Variants in DPP6 observed in about 807,000 individuals in gnomAD.
The protein encoded by DPP6 is A-type potassium channel modulatory protein DPP6.
In DPP6, 69 loss-of-function variants were observed where a neutral mutation model predicts 122.6. The ratio of observed to expected loss-of-function variants is 0.56; its 90% CI spans 0.46 to 0.69. The LOEUF (loss-of-function observed/expected upper bound fraction) is 0.69. DPP6 is among the 30% of genes least tolerant of loss of function. The pLI, the probability that DPP6 is intolerant of heterozygous loss-of-function variation, is 0.00. For missense variants in DPP6, 928 were observed against 1,116.9 expected, an observed-to-expected ratio of 0.83 and a Z score of 2.41; for synonymous variants, 418 against 433.1, an observed-to-expected ratio of 0.97 and a Z score of 0.43.
Position 154,168,494 on chromosome 7 carries a change from G to A in DPP6, c.243+115431G>A, listed in dbSNP as rs528441585. 4.1e-3 allele frequency among the ~76,000 whole-genome samples: 624 copies of A among 152,312 alleles called. 1 individual carries two copies. Among genetic ancestry groups the A allele is most frequent in the African/African-American group, 0.014 (595 of 41,558 alleles). ...AGGTCACCTCCTTTCCTCTGTGGAA[G>A]GGCAGTCACATTGTGATCTTTCAAA... On this transcript the variant is annotated intron_variant, in intron 1 of 25. Transcript: ENST00000377770.
Position 154,692,651 on chromosome 7 carries a change from A to G in DPP6, c.762+23210A>G, listed in dbSNP as rs561238349. Among the ~76,000 whole-genome samples, 16 of 152,274 alleles carry G rather than the reference A, an allele frequency of 1.1e-4. No homozygotes were observed. The South Asian group carries it at 2.9e-3, about 28-fold the overall frequency. ...TGAAATTCTAATTTCTGAGATGCTG[A>G]TGTAGCTACAGATTCTACATAGAGA... On this transcript the variant is annotated intron_variant, in intron 7 of 25. Transcript: ENST00000377770.
chr7:154,238,895 C>T (rs1484905050), intron 1 of DPP6, among the ~76,000 whole-genome samples: 2 of 152,214 alleles, frequency 1.3e-5, no homozygotes, highest in Non-Finnish European at 2.9e-5. Flanking sequence ...ACAGATCGGG[C>T]TTCAAATATA....
rs551983538 is a variant in DPP6, at chr7:154,063,257, G to T, written c.243+10194G>T. On this transcript the variant is annotated intron_variant, in intron 1 of 25. Coordinates refer to ENST00000377770, the MANE Select transcript of DPP6 (RefSeq NM_130797.4). ...AGAGCCAGCCCCTATTCCCCCACTG[G>T]CTCTTAGGACCCCCATCGCAGAGGG... Among the ~76,000 whole-genome samples the T allele has an allele frequency of 3.3e-3, 435 of 132,964 alleles. 31 individuals are homozygous for T. Among genetic ancestry groups the T allele is most frequent in the African/African-American group, 0.012 (420 of 36,070 alleles). The allele number at this position is 132,964 out of a possible 152,430, so 87.2% of individuals were successfully genotyped here. A position where few individuals can be genotyped will look rare whatever the true frequency, so the allele number is the denominator to read the frequency against.
At chr7:154,629,542 G>A (rs9642645) in intron 5 of DPP6, among the ~76,000 whole-genome samples, 64,314 of 151,760 alleles carry the variant, frequency 0.42, 14,255 homozygotes, top group African/African-American at 0.57. Flanking sequence ...AACTGTGTAT[G>A]CCAGCCATGG....
At chr7:154,885,838 C>T (rs892305426) in intron 22 of DPP6, 94 bp downstream of exon 22, 16 of 1,499,274 alleles carry the variant, frequency 1.1e-5, no homozygotes, top group African/African-American at 2.8e-5. Context: ...TCAGCACCAC[C>T]GTCCCGCTAA....
At chr7:154,539,061 A>G (rs115370619) in intron 3 of DPP6, among the ~76,000 whole-genome samples, 1,976 of 152,184 alleles carry the variant, frequency 0.013, 51 homozygotes, top group African/African-American at 0.045. Flanking sequence ...AATTATAACA[A>G]CTCTGCTTTT....
At chr7:153,795,915 G>A in the DPP6 span, among the ~76,000 whole-genome samples, 50 of 151,076 alleles carry the variant, frequency 3.3e-4, no homozygotes, top group Admixed American at 1.5e-3. Context: ...CAAATATTTG[G>A]ATATATTCCA....
At chr7:154,535,655 A>C (rs1828188729) in intron 3 of DPP6, among the ~76,000 whole-genome samples, 1 of 151,984 alleles carries the variant, frequency 6.6e-6, no homozygotes, top group Non-Finnish European at 1.5e-5. Context: ...ACTCATATCC[A>C]GAATGCTTAA....
chr7:154,443,733 T>G (rs902943930), intron 1 of DPP6, among the ~76,000 whole-genome samples: 3 of 152,158 alleles, frequency 2.0e-5, no homozygotes, highest in Non-Finnish European at 4.4e-5. Context: ...GATGGATGGA[T>G]GGATGTGGAT....
intron 1 of DPP6, among the ~76,000 whole-genome samples, chr7:154,387,202 T>C (rs1029181608): frequency 6.6e-6 from 1 of 152,174 alleles, no homozygotes; most frequent in African/African-American, 2.4e-5. Context: ...ACATCATTCA[T>C]AGAGGCAGAA....
intron 1 of DPP6, among the ~76,000 whole-genome samples, chr7:154,345,096 A>G (rs1270703007): frequency 6.6e-6 from 1 of 152,154 alleles, no homozygotes; most frequent in Non-Finnish European, 1.5e-5. Flanking sequence ...ACAGACATTT[A>G]TTTCCTGAAG....
At chr7:154,843,194 T>A (rs1263034170) in intron 16 of DPP6, among the ~76,000 whole-genome samples, 1 of 152,138 alleles carries the variant, frequency 6.6e-6, no homozygotes, top group African/African-American at 2.4e-5. Flanking sequence ...CCCAGCTACT[T>A]GGAAGGTTGA....
intron 5 of DPP6, among the ~76,000 whole-genome samples, chr7:154,619,929 G>T (rs1383433228): frequency 6.6e-6 from 1 of 152,142 alleles, no homozygotes; most frequent in Non-Finnish European, 1.5e-5. Flanking sequence ...TTCAACTCTT[G>T]GTGTGCTCAC....
rs184426229 is a variant in DPP6, at chr7:154,155,965, C to G, written c.243+102902C>G. Among the ~76,000 whole-genome samples, 345 of 152,322 alleles carry G rather than the reference C, an allele frequency of 2.3e-3. 5 individuals carry two copies. The highest frequency in any genetic ancestry group is 0.019 in the East Asian group (98 of 5,172). On this transcript the variant is annotated intron_variant, in intron 1 of 25. Coordinates refer to ENST00000377770, the MANE Select transcript of DPP6 (RefSeq NM_130797.4). Reference sequence around the variant, plus strand: ...GTGTCATCCTTAGACCTAAGGGGCCCCAGGCCTGGCAGTGCCTTCCTTCAG... The same window carrying G: ...GTGTCATCCTTAGACCTAAGGGGCCGCAGGCCTGGCAGTGCCTTCCTTCAG...
chr7:153,847,986 C>T, the DPP6 span, among the ~76,000 whole-genome samples: 1 of 152,138 alleles, frequency 6.6e-6, no homozygotes, highest in African/African-American at 2.4e-5. Context: ...AGCTGCCTGC[C>T]TCACGTGTAC....
intron 1 of DPP6, among the ~76,000 whole-genome samples, chr7:154,146,502 C>T (rs183030503): frequency 2.1e-3 from 316 of 152,272 alleles, no homozygotes; most frequent in African/African-American, 7.3e-3. Flanking sequence ...CCAACCCTCG[C>T]TGATTCTTTC....
At chr7:153,828,105 C>T in the DPP6 span, among the ~76,000 whole-genome samples, 7 of 152,156 alleles carry the variant, frequency 4.6e-5, no homozygotes. Flanking sequence ...GCCCTTCCTC[C>T]AGTGCCTTCC....
At chr7:154,395,961 A>T (rs1278706667) in intron 1 of DPP6, among the ~76,000 whole-genome samples, 4 of 138,288 alleles carry the variant, frequency 2.9e-5, no homozygotes, top group Non-Finnish European at 6.4e-5. Context: ...TTTTTTTTTT[A>T]ATCATAAAGC....
intron 1 of DPP6, among the ~76,000 whole-genome samples, chr7:154,098,199 A>T (rs550100545): frequency 6.6e-6 from 1 of 152,178 alleles, no homozygotes; most frequent in African/African-American, 2.4e-5. Flanking sequence ...TTCTCACGAG[A>T]TCTGATGGTT....
Sources: gnomAD v4.1 joint callset for allele counts (sites outside exome capture counted in the v4.1 genomes callset) on GRCh38, gnomAD v4.1.1 for gene constraint, MANE v1.5 for transcripts, NCBI Gene and HGNC (gene_info 2026-07-23, HGNC 2026-07-21) for gene names.